Variants in DCLK1 observed in about 807,000 individuals in gnomAD.
DCLK1 encodes doublecortin like kinase 1.
DCLK1 carries 16 observed loss-of-function variants against 86.2 expected under a neutral mutation model. The ratio of observed to expected loss-of-function variants is 0.19; its 90% CI spans 0.13 to 0.28. The LOEUF (loss-of-function observed/expected upper bound fraction) is 0.28. Among genes scored for constraint, DCLK1 ranks in the 10% least tolerant of loss-of-function variants. The probability of loss-of-function intolerance (pLI) is 1.00; values close to 1 mark genes in which losing one functional copy is unlikely to be tolerated. For synonymous variants in DCLK1, 369 were observed against 370.5 expected (o/e 1.00, Z 0.05); for missense variants, 590 against 940.2 (o/e 0.63, Z 4.87).
At chr13:35,955,769 TGTAGA>T (rs953339002) in intron 3 of DCLK1, among the ~76,000 whole-genome samples, 6 of 152,254 alleles carry the variant, frequency 3.9e-5, no homozygotes, top group African/African-American at 1.2e-4. Flanking sequence ...AGATAATGTA[TGTAGA>T]GTAATCAGTT....
At chr13:35,805,663 T>C (rs370668433) in intron 15 of DCLK1, 36 bp downstream of exon 15, 55 of 1,583,890 alleles carry the variant, frequency 3.5e-5, no homozygotes, top group Non-Finnish European at 4.7e-5. Context: ...AAAGGAATGT[T>C]AGGAGAGAAC....
At chr13:36,084,195 C>T (rs923390336) in intron 3 of DCLK1, among the ~76,000 whole-genome samples, 2 of 152,042 alleles carry the variant, frequency 1.3e-5, no homozygotes, top group African/African-American at 4.8e-5. Flanking sequence ...TTTTCCCCGC[C>T]CTGGCAGAAT....
chr13:35,873,806 A>G (rs1872440001), intron 4 of DCLK1, among the ~76,000 whole-genome samples: 1 of 152,142 alleles, frequency 6.6e-6, no homozygotes, highest in African/African-American at 2.4e-5. Flanking sequence ...CCTTTCTTGA[A>G]ATCTGAATTG....
At chr13:35,924,852 T>C (rs1031881677) in intron 4 of DCLK1, among the ~76,000 whole-genome samples, 12 of 152,226 alleles carry the variant, frequency 7.9e-5, no homozygotes, top group African/African-American at 2.9e-4. Context: ...TTGCCTGTTC[T>C]TATGAATAAT....
At chr13:36,130,457 C>T (rs1246371230) in intron 1 of DCLK1, among the ~76,000 whole-genome samples, 1 of 152,160 alleles carries the variant, frequency 6.6e-6, no homozygotes, top group African/African-American at 2.4e-5. Context: ...CAAAAGCAGC[C>T]TCTTTTGTGG....
At chr13:35,882,503 C>T (rs1019635757) in intron 4 of DCLK1, among the ~76,000 whole-genome samples, 4 of 152,218 alleles carry the variant, frequency 2.6e-5, no homozygotes, top group African/African-American at 9.6e-5. Context: ...TCTATTGTTG[C>T]TCCACTGCTT....
At chr13:35,810,784 C>A (rs373700879) in intron 12 of DCLK1, 51 bp downstream of exon 12, 1 of 1,591,728 alleles carries the variant, frequency 6.3e-7, no homozygotes, top group Non-Finnish European at 8.6e-7. Context: ...ATTCTCGAAG[C>A]GGGCTAGTTC....
At chr13:35,905,065 T>C (rs1333300296) in intron 4 of DCLK1, among the ~76,000 whole-genome samples, 1 of 152,228 alleles carries the variant, frequency 6.6e-6, no homozygotes, top group Non-Finnish European at 1.5e-5. Flanking sequence ...CACCAGCACC[T>C]AGACTACTAA....
At chr13:35,964,133 T>C (rs1385189490) in intron 3 of DCLK1, among the ~76,000 whole-genome samples, 1 of 152,198 alleles carries the variant, frequency 6.6e-6, no homozygotes, top group African/African-American at 2.4e-5. Flanking sequence ...TATCAAATTA[T>C]AAGAAGATAA....
chr13:35,894,326 G>A (rs1447550729), intron 4 of DCLK1, among the ~76,000 whole-genome samples: 1 of 152,108 alleles, frequency 6.6e-6, no homozygotes, highest in African/African-American at 2.4e-5. Flanking sequence ...ATTTATCCAG[G>A]GGCACACAGC....
At chr13:35,792,326 T>C (rs2086722327) in intron 16 of DCLK1, among the ~76,000 whole-genome samples, 1 of 152,136 alleles carries the variant, frequency 6.6e-6, no homozygotes, top group Admixed American at 6.6e-5. Flanking sequence ...AACCCAGATC[T>C]GGGATTGGTG....
intron 15 of DCLK1, among the ~76,000 whole-genome samples, chr13:35,804,153 CAG>C (rs2086978381): frequency 6.6e-6 from 1 of 152,164 alleles, no homozygotes; most frequent in Non-Finnish European, 1.5e-5. Context: ...TTATTTGAGA[CAG>C]AGTCTTGCTC....
chr13:35,836,171 G>T, intron 7 of DCLK1, 30 bp from the exon 8 acceptor site: 2 of 1,544,594 alleles, frequency 1.3e-6, no homozygotes, highest in Non-Finnish European at 1.8e-6. Flanking sequence ...TTTTTTATTG[G>T]TTGAAAAGGG....
chr13:35,933,293 A>G (rs1425162324), intron 4 of DCLK1, among the ~76,000 whole-genome samples: 22 of 152,144 alleles, frequency 1.4e-4, no homozygotes, highest in Admixed American at 1.4e-3. Context: ...TTCCAGGTGC[A>G]TGGTGCAAGC....
intron 3 of DCLK1, among the ~76,000 whole-genome samples, chr13:35,970,895 A>G (rs1879029938): frequency 6.6e-6 from 1 of 152,218 alleles, no homozygotes; most frequent in Non-Finnish European, 1.5e-5. Context: ...GTTAATCACC[A>G]GCCTCAGTTA....
intron 3 of DCLK1, among the ~76,000 whole-genome samples, chr13:35,964,278 G>T (rs147790470): frequency 3.3e-5 from 5 of 152,214 alleles, no homozygotes; most frequent in Non-Finnish European, 7.4e-5. Flanking sequence ...TGAAGTGCCA[G>T]GTTTGGAGAA....
chr13:35,835,558 T>G (rs1869305659), intron 8 of DCLK1, among the ~76,000 whole-genome samples: 1 of 152,194 alleles, frequency 6.6e-6, no homozygotes, highest in Admixed American at 6.5e-5. Context: ...GTTCATTCAT[T>G]TTAATACGTC....
chr13:36,013,621 C>A (rs1278621219), intron 3 of DCLK1, among the ~76,000 whole-genome samples: 1 of 152,136 alleles, frequency 6.6e-6, no homozygotes, highest in Admixed American at 6.5e-5. Flanking sequence ...AGAACCACTG[C>A]TCTCTTCAAA....
intron 4 of DCLK1, among the ~76,000 whole-genome samples, chr13:35,917,822 C>CG (rs1487555093): frequency 4.3e-5 from 6 of 139,454 alleles, no homozygotes; most frequent in South Asian, 2.7e-4. Flanking sequence ...GGGGGCAGGG[C>CG]GGGGAGGCCT....
Sources: gnomAD v4.1 joint callset for allele counts (sites outside exome capture counted in the v4.1 genomes callset) on GRCh38, gnomAD v4.1.1 for gene constraint, MANE v1.5 for transcripts, NCBI Gene and HGNC (gene_info 2026-07-23, HGNC 2026-07-21) for gene names.